Variants in SCARB2 observed in about 807,000 individuals in gnomAD.
SCARB2 encodes the protein scavenger receptor class B member 2, also known as lysosome membrane protein 2.
SCARB2 carries 29 observed loss-of-function variants against 58.6 expected under a neutral mutation model. That is an observed-to-expected ratio of 0.49 (90% CI 0.37 to 0.67). The LOEUF (loss-of-function observed/expected upper bound fraction) is 0.67, where lower values mean the gene tolerates loss of function less well. Ranked by LOEUF, SCARB2 falls within the 30% of genes least tolerant of loss-of-function variation. The pLI is 0.00. For missense variants in SCARB2, 488 were observed against 578.5 expected, an observed-to-expected ratio of 0.84 and a Z score of 1.60; for synonymous variants, 195 against 210.1, an observed-to-expected ratio of 0.93 and a Z score of 0.62.
intron 1 of SCARB2, among the ~76,000 whole-genome samples, chr4:76,225,944 A>C (rs897011917): frequency 6.6e-6 from 1 of 152,178 alleles, no homozygotes; most frequent in Non-Finnish European, 1.5e-5. Context: ...CTATCATTGG[A>C]ATAGTTTCAG....
At chr4:76,178,812 G>A (rs1016513155) in intron 4 of SCARB2, among the ~76,000 whole-genome samples, 1 of 152,104 alleles carries the variant, frequency 6.6e-6, no homozygotes, top group Non-Finnish European at 1.5e-5. Context: ...TAACCTTGAA[G>A]GCCCAGGGAC....
At chr4:76,216,771 C>T (rs1029021584), upstream of SCARB2, among the ~76,000 whole-genome samples, 5 of 152,180 alleles carry the variant, frequency 3.3e-5, no homozygotes, top group African/African-American at 1.2e-4. Flanking sequence ...TTTCTTGGTT[C>T]TTCTTAACAC....
intron 1 of SCARB2, among the ~76,000 whole-genome samples, chr4:76,229,597 G>A (rs1733458529): frequency 1.3e-5 from 2 of 152,174 alleles, no homozygotes; most frequent in Admixed American, 1.3e-4. Flanking sequence ...TGAACTGAAT[G>A]ATTATTATTG....
intron 1 of SCARB2, among the ~76,000 whole-genome samples, chr4:76,198,602 G>GCTTCT (rs1732761195): frequency 6.6e-6 from 1 of 151,920 alleles, no homozygotes; most frequent in African/African-American, 2.4e-5. Flanking sequence ...TACAGCTGGG[G>GCTTCT]CTTCTCCTCT....
chr4:76,167,945 G>A (rs1167993166), intron 9 of SCARB2, among the ~76,000 whole-genome samples: 1 of 152,052 alleles, frequency 6.6e-6, no homozygotes, highest in Non-Finnish European at 1.5e-5. Context: ...CTCCCAAAGT[G>A]CTGGATTACA....
At chr4:76,222,251 G>C (rs144856678) in intron 1 of SCARB2, among the ~76,000 whole-genome samples, 1 of 147,706 alleles carries the variant, frequency 6.8e-6, no homozygotes, top group East Asian at 2.0e-4. Context: ...TTCTGAGACC[G>C]AGTCTCACTC....
At chr4:76,215,376 C>A (rs1329541567), upstream of SCARB2, among the ~76,000 whole-genome samples, 1 of 152,174 alleles carries the variant, frequency 6.6e-6, no homozygotes, top group African/African-American at 2.4e-5. Flanking sequence ...CTTCCAAAAC[C>A]CTCACTTTTT....
At chr4:76,231,607 T>A (rs2109986038) in intron 1 of SCARB2, among the ~76,000 whole-genome samples, 1 of 152,364 alleles carries the variant, frequency 6.6e-6, no homozygotes, top group African/African-American at 2.4e-5. Flanking sequence ...GGCCTGATTA[T>A]TTGCATAAAG....
At position 76,160,298 on chromosome 4, in the gene SCARB2, T is replaced by A. The variant is rs1256609054; in HGVS notation, c.*1415A>T. The A allele has an allele frequency of 2.6e-5, 4 of 152,226 alleles. No individual in the cohort carries two copies. The highest frequency in any genetic ancestry group is 5.9e-5 in the Non-Finnish European group (4 of 68,038). The allele number at this position is 152,226 out of a possible 1,614,324, so 9.4% of individuals were successfully genotyped here. A position where few individuals can be genotyped will look rare whatever the true frequency, so the allele number is the denominator to read the frequency against. On this transcript the variant is annotated 3_prime_UTR_variant, in exon 12 of 12. Transcript: ENST00000264896. ...TTGAATGGTTCAGTTGTTAAGAAAT[T>A]CTATAAGCACTTTGTCAGCTAAATG...
chr4:76,226,537 AGT>A (rs1233243566), intron 1 of SCARB2, among the ~76,000 whole-genome samples: 1 of 152,056 alleles, frequency 6.6e-6, no homozygotes, highest in Non-Finnish European at 1.5e-5. Flanking sequence ...TTTAGATTGT[AGT>A]GCTGTGGGGC....
intron 1 of SCARB2, among the ~76,000 whole-genome samples, chr4:76,210,930 A>G (rs568107826): frequency 9.2e-4 from 140 of 152,344 alleles, no homozygotes; most frequent in African/African-American, 3.3e-3. Context: ...GGGCATAGAC[A>G]ATCTTCAAAT....
intron 5 of SCARB2, 104 bp from the exon 6 acceptor site, chr4:76,176,014 C>T: frequency 1.5e-6 from 2 of 1,352,380 alleles, no homozygotes; most frequent in South Asian, 1.2e-5. Context: ...TGTCTATCCA[C>T]AGTATCTTAT....
chr4:76,218,280 G>A (rs928234121), upstream of SCARB2, among the ~76,000 whole-genome samples: 1 of 152,152 alleles, frequency 6.6e-6, no homozygotes, highest in Admixed American at 6.5e-5. Flanking sequence ...TGTTTGTGGG[G>A]CATCCTAAAT....
Position 76,213,764 on chromosome 4 carries a change from C to G in SCARB2, c.-221G>C. On this transcript the variant is annotated 5_prime_UTR_variant, in exon 1 of 12. Coordinates refer to ENST00000264896, the MANE Select transcript of SCARB2 (RefSeq NM_005506.4). The stretch of plus-strand genomic sequence containing the variant: ...GGGGCCGCGGAGGGACGGGCCCGGA[C>G]TCGGTTTCGGTTTCCTTCGCCGGGC... 1 of 443,890 alleles carries G rather than the reference C, an allele frequency of 2.3e-6. No homozygotes were observed. The highest frequency in any genetic ancestry group is 4.0e-6 in the Non-Finnish European group (1 of 252,580). 27.5% of individuals were successfully genotyped at this position (443,890 alleles called of 1,614,324 possible). A position where few individuals can be genotyped will look rare whatever the true frequency, so the allele number is the denominator to read the frequency against.
chr4:76,186,118 G>T (rs1732479903), intron 2 of SCARB2, among the ~76,000 whole-genome samples: 1 of 152,140 alleles, frequency 6.6e-6, no homozygotes, highest in Non-Finnish European at 1.5e-5. Context: ...TGCCTTCAGA[G>T]GCCACCTCCT....
intron 2 of SCARB2, among the ~76,000 whole-genome samples, chr4:76,181,726 A>T (rs1451903832): frequency 6.6e-6 from 1 of 151,934 alleles, no homozygotes; most frequent in Admixed American, 6.6e-5. Context: ...CACCACACCC[A>T]GCTAATTGTT....
At chr4:76,200,962 G>A (rs1425450506) in intron 1 of SCARB2, among the ~76,000 whole-genome samples, 3 of 152,176 alleles carry the variant, frequency 2.0e-5, no homozygotes, top group Non-Finnish European at 2.9e-5. Flanking sequence ...AGGCTTCAGA[G>A]AAGCCTGTCA....
At chr4:76,195,650 A>C in intron 2 of SCARB2, 57 bp downstream of exon 2, 1 of 1,485,226 alleles carries the variant, frequency 6.7e-7, no homozygotes, top group Non-Finnish European at 9.4e-7. Flanking sequence ...GCAAGGACTC[A>C]GGCCATATTG....
At chr4:76,213,318 C>T in intron 1 of SCARB2, 109 bp downstream of exon 1, 1 of 781,938 alleles carries the variant, frequency 1.3e-6, no homozygotes, top group Middle Eastern at 2.2e-4. Context: ...AGAGCTCTAG[C>T]GCGGAGGGTC....
Sources: allele counts gnomAD v4.1 joint callset (sites outside exome capture counted in the v4.1 genomes callset), GRCh38; gene constraint gnomAD v4.1.1; transcripts MANE v1.5; gene names NCBI Gene and HGNC (gene_info 2026-07-23, HGNC 2026-07-21).